Variants in NDRG4 observed in about 807,000 individuals in gnomAD.
NDRG4 encodes NDRG family member 4.
Under a neutral mutation model 55.8 loss-of-function variants are expected in NDRG4, and 38 were observed. The observed-to-expected ratio is 0.68, with a 90% CI of 0.53 to 0.89. The LOEUF is 0.89. Ranked by LOEUF, NDRG4 falls within the 40% of genes least tolerant of loss-of-function variation. The pLI, the probability that NDRG4 is intolerant of heterozygous loss-of-function variation, is 0.00. For missense variants in NDRG4, 455 were observed against 468.6 expected (o/e 0.97, Z 0.27); for synonymous variants, 190 against 182.7 (o/e 1.04, Z -0.32).
At chr16:58,486,179 T>C (rs917853866) in intron 1 of NDRG4, among the ~76,000 whole-genome samples, 2 of 152,186 alleles carry the variant, frequency 1.3e-5, no homozygotes, top group African/African-American at 4.8e-5. Flanking sequence ...TTCATTCATT[T>C]GAGACACGGT....
At chr16:58,486,523 A>G (rs1001071116) in intron 1 of NDRG4, among the ~76,000 whole-genome samples, 1 of 151,316 alleles carries the variant, frequency 6.6e-6, no homozygotes, top group Non-Finnish European at 1.5e-5. Flanking sequence ...ATATTTTTCC[A>G]TGTATGTACT....
intron 1 of NDRG4, among the ~76,000 whole-genome samples, chr16:58,467,298 G>A (rs986760374): frequency 6.6e-6 from 1 of 152,240 alleles, no homozygotes; most frequent in Non-Finnish European, 1.5e-5. Context: ...ACTGAGGTCA[G>A]GAGTTCAAGA....
Position 58,511,839 on chromosome 16 carries a change from A to C in NDRG4, c.*263A>C. On this transcript the variant is annotated 3_prime_UTR_variant, in exon 15 of 15. Coordinates refer to ENST00000570248, the MANE Select transcript of NDRG4 (RefSeq NM_001242835.2). ...CCCACTCCCGGCGGCCCAGGCACAG[A>C]AGGGCAGGGCCATAGGGAGGGAGAT... The C allele has an allele frequency of 1.9e-6, 1 of 527,206 alleles. No homozygotes were observed. 32.7% of individuals were successfully genotyped at this position (527,206 alleles called of 1,614,324 possible).
downstream of NDRG4, among the ~76,000 whole-genome samples, chr16:58,515,136 G>T (rs1248391243): frequency 6.6e-6 from 1 of 152,194 alleles, no homozygotes. Context: ...GCAACAAGGG[G>T]TCGAGATCAG....
chr16:58,494,017 C>A (rs2036098770), intron 2 of NDRG4, among the ~76,000 whole-genome samples: 1 of 152,198 alleles, frequency 6.6e-6, no homozygotes, highest in Non-Finnish European at 1.5e-5. Context: ...TCCTCCCCAG[C>A]CATCTGTGCA....
In NDRG4 at chr16:58,509,615, G is replaced by A. The variant is rs538893751; in HGVS notation, c.865+263G>A. Among the ~76,000 whole-genome samples the A allele has an allele frequency of 1.3e-5, 2 of 152,320 alleles. 1 individual carries two copies. Among genetic ancestry groups the A allele is most frequent in the South Asian group, 4.1e-4 (2 of 4,830 alleles). On this transcript the variant is annotated intron_variant, in intron 13 of 14. Coordinates refer to ENST00000570248, the MANE Select transcript of NDRG4 (RefSeq NM_001242835.2). Reference sequence around the variant, plus strand: ...GCGCACTGTTCTGATGGCAGTGCTGGGCCTACTGGGGGAAGGGACTCTTCC... The same window carrying A: ...GCGCACTGTTCTGATGGCAGTGCTGAGCCTACTGGGGGAAGGGACTCTTCC...
At chr16:58,477,419 A>C (rs973774512) in intron 1 of NDRG4, among the ~76,000 whole-genome samples, 1 of 152,200 alleles carries the variant, frequency 6.6e-6, no homozygotes, top group Non-Finnish European at 1.5e-5. Context: ...AAACTCAAAA[A>C]ATAATGGGTA....
At chr16:58,495,121 C>A in intron 3 of NDRG4, 1 of 1,029,480 alleles carries the variant, frequency 9.7e-7, no homozygotes, top group Non-Finnish European at 1.5e-6. Context: ...CCCTGCCTAA[C>A]AGAGAGATGC....
intron 10 of NDRG4, among the ~76,000 whole-genome samples, chr16:58,508,631 C>T (rs915502077): frequency 6.6e-6 from 1 of 152,216 alleles, no homozygotes; most frequent in African/African-American, 2.4e-5. Flanking sequence ...CTCAGACCCT[C>T]GGCACCCCTC....
rs78342211 is a variant in NDRG4 at position 58,491,882 on chromosome 16, A to G, written c.73-3082A>G. ...CTTCAGGGAGGTTAGAGAGGGCTCAAGTGATCCTCCTACTTCAGCCTCCTG... is the reference window on the plus strand; with the variant it reads ...CTTCAGGGAGGTTAGAGAGGGCTCAGGTGATCCTCCTACTTCAGCCTCCTG... On this transcript the variant is annotated intron_variant, in intron 2 of 15. Coordinates refer to the NDRG4 transcript ENST00000258187. Among the ~76,000 whole-genome samples, 160 of 152,298 alleles carry G rather than the reference A, an allele frequency of 1.1e-3. 1 individual carries two copies. In the East Asian group the frequency reaches 0.029, roughly 28 times the overall value.
At chr16:58,484,808 T>G (rs2034883950) in intron 1 of NDRG4, among the ~76,000 whole-genome samples, 3 of 152,074 alleles carry the variant, frequency 2.0e-5, no homozygotes, top group Admixed American at 1.3e-4. Flanking sequence ...TTGGAGACCT[T>G]AGCCAGGCTT....
chr16:58,479,570 A>G (rs1737942252), intron 1 of NDRG4, among the ~76,000 whole-genome samples: 1 of 152,246 alleles, frequency 6.6e-6, no homozygotes, highest in Non-Finnish European at 1.5e-5. Context: ...AGCCAGCAGC[A>G]TGAGTGTGTG....
chr16:58,494,164 G>A (rs975059806), intron 2 of NDRG4, among the ~76,000 whole-genome samples: 2 of 152,166 alleles, frequency 1.3e-5, no homozygotes, highest in African/African-American at 4.8e-5. Flanking sequence ...ATGTGGTCCC[G>A]CCCTCGTGGT....
chr16:58,496,238 C>T (rs920701318), upstream of NDRG4, among the ~76,000 whole-genome samples: 5 of 152,014 alleles, frequency 3.3e-5, no homozygotes, highest in African/African-American at 1.2e-4. Flanking sequence ...CCTCTGGGTT[C>T]CCAACTGCTG....
At chr16:58,511,235 C>A in intron 14 of NDRG4, 187 bp from the exon 15 acceptor site, 1 of 655,416 alleles carries the variant, frequency 1.5e-6, no homozygotes, top group Non-Finnish European at 2.6e-6. Context: ...GCCCCCTAGG[C>A]CCACTCACTG....
Position 58,493,309 on chromosome 16 carries a change from C to T in NDRG4, c.73-1655C>T, listed in dbSNP as rs564266106. Among the ~76,000 whole-genome samples the T allele has an allele frequency of 9.8e-5, 15 of 152,328 alleles. No individual in the cohort carries two copies. The East Asian group carries it at 2.3e-3, about 24-fold the overall frequency. Reference sequence around the variant, plus strand: ...TTTGAGACAGAGTCTCACTCTATCACGCAAGCTGGAGTGCAGTAGTGCAGT... The same window carrying T: ...TTTGAGACAGAGTCTCACTCTATCATGCAAGCTGGAGTGCAGTAGTGCAGT... On this transcript the variant is annotated intron_variant, in intron 2 of 15. Coordinates refer to the NDRG4 transcript ENST00000258187.
intron 14 of NDRG4, 22 bp from the exon 15 acceptor site, chr16:58,511,400 C>T (rs780418844): frequency 1.3e-6 from 2 of 1,588,120 alleles, no homozygotes; most frequent in Admixed American, 3.4e-5. Context: ...AGTCCTCAGG[C>T]CCATCCTGTC....
chr16:58,484,352 G>A (rs988749699), intron 1 of NDRG4, among the ~76,000 whole-genome samples: 4 of 152,106 alleles, frequency 2.6e-5, no homozygotes, highest in Non-Finnish European at 4.4e-5. Flanking sequence ...CAGCCTGGGC[G>A]ACAGAGTAAG....
intron 13 of NDRG4, among the ~76,000 whole-genome samples, chr16:58,509,939 GACACAC>G (rs3048060): frequency 4.0e-5 from 6 of 149,778 alleles, no homozygotes; most frequent in Admixed American, 1.3e-4. Context: ...CACACACACA[GACACAC>G]ACACACACAC....
Sources: allele counts gnomAD v4.1 joint callset (sites outside exome capture counted in the v4.1 genomes callset), GRCh38; gene constraint gnomAD v4.1.1; transcripts MANE v1.5; gene names NCBI Gene and HGNC (gene_info 2026-07-23, HGNC 2026-07-21).